PHF20: variants seen among roughly 807,000 people sequenced by gnomAD.
The protein encoded by PHF20 is PHD finger protein 20, also known as glioma-expressed antigen 2.
A neutral mutation model predicts 113.5 loss-of-function variants in PHF20; 23 were observed. The observed-to-expected ratio is 0.20, with a 90% CI of 0.15 to 0.29. PHF20 has a LOEUF of 0.29. PHF20 is among the 10% of genes least tolerant of loss of function. The probability of loss-of-function intolerance (pLI) is 1.00; values close to 1 mark genes in which losing one functional copy is unlikely to be tolerated. For missense variants in PHF20, 943 were observed against 1,219.6 expected, an observed-to-expected ratio of 0.77 and a Z score of 3.38; for synonymous variants, 434 against 457.3, an observed-to-expected ratio of 0.95 and a Z score of 0.65.
At chr20:35,900,362 G>T (rs572098055) in intron 10 of PHF20, among the ~76,000 whole-genome samples, 1 of 152,256 alleles carries the variant, frequency 6.6e-6, no homozygotes, top group Admixed American at 6.5e-5. Context: ...ATTAAAATGT[G>T]TAGGTCTTAA....
At chr20:35,832,842 G>A (rs1344754849) in intron 2 of PHF20, among the ~76,000 whole-genome samples, 1 of 152,124 alleles carries the variant, frequency 6.6e-6, no homozygotes, top group East Asian at 1.9e-4. Flanking sequence ...GAGGTCAGGA[G>A]TTCGAGACCA....
At chr20:35,858,773 G>A (rs752115923) in intron 5 of PHF20, among the ~76,000 whole-genome samples, 6 of 152,110 alleles carry the variant, frequency 3.9e-5, no homozygotes, top group Admixed American at 2.6e-4. Flanking sequence ...GGGTTTCACC[G>A]TATTGGTCAG....
At chr20:35,912,872 T>C (rs1313236879) in intron 10 of PHF20, among the ~76,000 whole-genome samples, 1 of 152,172 alleles carries the variant, frequency 6.6e-6, no homozygotes, top group Non-Finnish European at 1.5e-5. Flanking sequence ...TAGCCAGGGT[T>C]GAGGAGCAGT....
Position 35,917,598 on chromosome 20 carries a change from G to T in PHF20, c.1940G>T (p.Arg647Leu). ...GATGAGGAACTTGATGGGGATGACC[G>T]CTATGACTTCGAGGTGGTCCGCTGC... ...NPDEELDGDD[R>L]YDFEVVRCIC... The change falls in exon 13 of 18, where the codon CGC becomes CTC. Residue 647 changes from arginine (R) to leucine (L), a missense_variant. Coordinates refer to ENST00000374012, the MANE Select transcript of PHF20 (RefSeq NM_016436.5). 6.2e-7 allele frequency: 1 copy of T among 1,614,098 alleles called. No homozygotes were observed. The highest frequency in any genetic ancestry group is 8.5e-7 in the Non-Finnish European group (1 of 1,180,002).
At chr20:35,845,450 T>C in intron 3 of PHF20, 1 of 363,406 alleles carries the variant, frequency 2.8e-6, no homozygotes, top group South Asian at 2.0e-5. Context: ...AATGTAGCCT[T>C]GACCTCTTGG....
chr20:35,775,561 C>A (rs1368777582), intron 1 of PHF20, among the ~76,000 whole-genome samples: 1 of 151,940 alleles, frequency 6.6e-6, no homozygotes, highest in Non-Finnish European at 1.5e-5. Context: ...CGAGACCAGT[C>A]TGGCTAACAC....
intron 3 of PHF20, among the ~76,000 whole-genome samples, chr20:35,846,741 T>C (rs1389776282): frequency 1.3e-5 from 2 of 152,190 alleles, no homozygotes; most frequent in Admixed American, 6.5e-5. Flanking sequence ...CTTGGGCTTA[T>C]TGAGGTCTTG....
intron 9 of PHF20, 58 bp downstream of exon 9, chr20:35,871,887 T>G (rs2054429087): frequency 1.4e-5 from 18 of 1,311,174 alleles, no homozygotes; most frequent in Non-Finnish European, 1.9e-5. Flanking sequence ...TTATGCTTTG[T>G]GAACTAAAAA....
chr20:35,800,156 CAATT>C (rs1177200661), intron 1 of PHF20: 1 of 151,754 alleles, frequency 6.6e-6, no homozygotes, highest in South Asian at 2.1e-4. Context: ...GATTCAAAGG[CAATT>C]AAAGGAATTA....
chr20:35,912,083 C>A (rs773699292), intron 10 of PHF20, among the ~76,000 whole-genome samples: 2 of 151,726 alleles, frequency 1.3e-5, no homozygotes, highest in Non-Finnish European at 2.9e-5. Flanking sequence ...CGTGTTCAAG[C>A]GATTCTCCTG....
intron 1 of PHF20, among the ~76,000 whole-genome samples, chr20:35,779,529 T>C (rs1283435358): frequency 2.6e-5 from 4 of 151,422 alleles, no homozygotes; most frequent in African/African-American, 4.8e-5. Context: ...TTCTTTCTTT[T>C]TTTTTTTTTG....
chr20:35,783,208 AAAAAG>A (rs1380158478), intron 1 of PHF20, among the ~76,000 whole-genome samples: 33 of 152,184 alleles, frequency 2.2e-4, no homozygotes, highest in African/African-American at 7.2e-4. Flanking sequence ...TAAAAATAAA[AAAAAG>A]AAAAGAAAAA....
intron 13 of PHF20, among the ~76,000 whole-genome samples, chr20:35,924,346 C>T (rs1432778751): frequency 6.6e-6 from 1 of 151,544 alleles, no homozygotes; most frequent in Non-Finnish European, 1.5e-5. Flanking sequence ...AGGCATGCAC[C>T]ACCACGCTTG....
chr20:35,887,814 A>C (rs553199160), intron 9 of PHF20: 1 of 151,714 alleles, frequency 6.6e-6, no homozygotes, highest in Non-Finnish European at 1.5e-5. Flanking sequence ...AATTAAAAAA[A>C]AAAAAAAAAA....
In PHF20 at chr20:35,938,782, C is replaced by A; in HGVS notation, c.2386C>A (p.Pro796Thr). The change falls in exon 16 of 18, where the codon CCT becomes ACT. Residue 796 changes from proline to threonine, a missense_variant. Coordinates refer to ENST00000374012, the MANE Select transcript of PHF20 (RefSeq NM_016436.5). ...GEGRSHFRNI[P>T]VTDTRSKEEA... ...GGGGAGATCTCATTTCAGAAACATC[C>A]CTGTCACTGACACCAGGAGCAAGGA... 6.2e-7 allele frequency: 1 copy of A among 1,614,124 alleles called. No homozygotes were observed. The highest frequency in any genetic ancestry group is 8.5e-7 in the Non-Finnish European group (1 of 1,179,986).
intron 1 of PHF20, 75 bp from the exon 2 acceptor site, chr20:35,801,416 T>G (rs2041778685): frequency 1.4e-6 from 1 of 690,330 alleles, no homozygotes; most frequent in Non-Finnish European, 2.5e-6. Flanking sequence ...GCCTGTTTTT[T>G]TATGTGTAGT....
At chr20:35,858,796 C>T (rs1320341341) in intron 5 of PHF20, among the ~76,000 whole-genome samples, 6 of 152,184 alleles carry the variant, frequency 3.9e-5, no homozygotes, top group Non-Finnish European at 8.8e-5. Flanking sequence ...TGGTCTCGAA[C>T]TCCTGACCTC....
At position 35,808,371 on chromosome 20, in the gene PHF20, C is replaced by T. The variant is rs779746941; in HGVS notation, c.83+6766C>T. ...TTGTTGTTTGACTTTAACAGGAACGCATCCGAGAGTTCACCATTAAGTATG... is the reference window on the plus strand; with the variant it reads ...TTGTTGTTTGACTTTAACAGGAACGTATCCGAGAGTTCACCATTAAGTATG... On this transcript the variant is annotated intron_variant, in intron 2 of 17. Transcript: ENST00000374012. 1.1e-3 allele frequency among the ~76,000 whole-genome samples: 162 copies of T among 152,002 alleles called. 2 individuals are homozygous for T. The highest frequency in any genetic ancestry group is 3.4e-4 in the Non-Finnish European group (23 of 68,026).
intron 2 of PHF20, among the ~76,000 whole-genome samples, chr20:35,839,934 A>G (rs2042511984): frequency 6.6e-6 from 1 of 152,206 alleles, no homozygotes; most frequent in Non-Finnish European, 1.5e-5. Flanking sequence ...TCATTTGCTA[A>G]ACATTTATTG....
Sources: allele counts gnomAD v4.1 joint callset (sites outside exome capture counted in the v4.1 genomes callset), GRCh38; gene constraint gnomAD v4.1.1; transcripts MANE v1.5; gene names NCBI Gene and HGNC (gene_info 2026-07-23, HGNC 2026-07-21).